SYNDIG1: variants seen among roughly 807,000 people sequenced by gnomAD.
SYNDIG1 encodes the protein synapse differentiation inducing 1, also known as synapse differentiation-inducing gene protein 1.
A neutral mutation model predicts 19.4 loss-of-function variants in SYNDIG1; 9 were observed. That is an observed-to-expected ratio of 0.46 (90% CI 0.28 to 0.81). SYNDIG1 has a LOEUF of 0.81. Among genes scored for constraint, SYNDIG1 ranks in the 30% least tolerant of loss-of-function variants. The pLI is 0.12. For missense variants in SYNDIG1, 311 were observed against 343.3 expected (o/e 0.91, Z 0.74); for synonymous variants, 141 against 145.9 (o/e 0.97, Z 0.24).
chr20:24,637,738 G>A (rs576491590), intron 3 of SYNDIG1, among the ~76,000 whole-genome samples: 77 of 152,334 alleles, frequency 5.1e-4, no homozygotes, highest in African/African-American at 1.8e-3. Context: ...AGTAAAAGGT[G>A]TACAGGTGTC....
rs575437586 is a variant in SYNDIG1, at chr20:24,636,170, G to A, written c.619-29176G>A. On this transcript the variant is annotated intron_variant, in intron 3 of 3. Coordinates refer to ENST00000376862, the MANE Select transcript of SYNDIG1 (RefSeq NM_024893.3). ...TATATGAGACTGGGCTGCAAATAGGGTACTTCAATTTTCATGAGAAAGCTT... is the reference window on the plus strand; with the variant it reads ...TATATGAGACTGGGCTGCAAATAGGATACTTCAATTTTCATGAGAAAGCTT... Among the ~76,000 whole-genome samples, 9 of 152,230 alleles carry A rather than the reference G, an allele frequency of 5.9e-5. No homozygotes were observed. The South Asian group carries it at 1.0e-3, about 18-fold the overall frequency.
intron 1 of SYNDIG1, among the ~76,000 whole-genome samples, chr20:24,484,651 C>A (rs1764757249): frequency 6.6e-6 from 1 of 152,108 alleles, no homozygotes; most frequent in Non-Finnish European, 1.5e-5. Flanking sequence ...CCTTTAGAAA[C>A]GATGATCTGA....
intron 2 of SYNDIG1, among the ~76,000 whole-genome samples, chr20:24,582,548 C>T (rs1286442640): frequency 6.6e-6 from 1 of 150,902 alleles, no homozygotes; most frequent in African/African-American, 2.4e-5. Flanking sequence ...CACTGCTTGT[C>T]CTTCCCACCG....
At position 24,665,749 on chromosome 20, in the gene SYNDIG1, G is replaced by T. The variant is rs562072572; in HGVS notation, c.*245G>T. On this transcript the variant is annotated 3_prime_UTR_variant, in exon 4 of 4. Coordinates refer to ENST00000376862, the MANE Select transcript of SYNDIG1 (RefSeq NM_024893.3). ...AGGAAAGCTCCAAAGATCCCAGCCC[G>T]CAAGGCTGTCTCTGGATGGATTCTG... The T allele has an allele frequency of 1.7e-5, 9 of 514,740 alleles. No homozygotes were observed. The highest frequency in any genetic ancestry group is 4.3e-5 in the Admixed American group (1 of 23,120). 31.9% of individuals were successfully genotyped at this position (514,740 alleles called of 1,614,324 possible).
In SYNDIG1 at chr20:24,665,708, C is replaced by A. The variant is rs1023758328; in HGVS notation, c.*204C>A. 1.5e-5 allele frequency: 9 copies of A among 613,396 alleles called. No homozygotes were observed. The highest frequency in any genetic ancestry group is 2.1e-5 in the Non-Finnish European group (8 of 386,962). 38.0% of individuals were successfully genotyped at this position (613,396 alleles called of 1,614,324 possible). A position where few individuals can be genotyped will look rare whatever the true frequency, so the allele number is the denominator to read the frequency against. ...GTGTAGAGCACCAGACAGACGGGCA[C>A]TGCTAATCCTTCCAAAGGAAAGCTC... On this transcript the variant is annotated 3_prime_UTR_variant, in exon 4 of 4. Transcript: ENST00000376862.
chr20:24,566,635 C>T (rs1438042690), intron 2 of SYNDIG1, among the ~76,000 whole-genome samples: 1 of 152,158 alleles, frequency 6.6e-6, no homozygotes, highest in African/African-American at 2.4e-5. Context: ...TTAAAGTGTA[C>T]TCCATGGAAT....
chr20:24,522,894 A>G (rs13041233), intron 1 of SYNDIG1, among the ~76,000 whole-genome samples: 34,565 of 152,098 alleles, frequency 0.23, 4,760 homozygotes, highest in East Asian at 0.68. Context: ...AGCAGCTCGC[A>G]TGTAAACTAA....
intron 3 of SYNDIG1, among the ~76,000 whole-genome samples, chr20:24,662,825 A>G (rs1237641069): frequency 6.6e-6 from 1 of 152,242 alleles, no homozygotes; most frequent in Non-Finnish European, 1.5e-5. Flanking sequence ...CACAAGAAAT[A>G]ACAATCTTGA....
At chr20:24,485,173 C>G (rs1338698439) in intron 1 of SYNDIG1, among the ~76,000 whole-genome samples, 1 of 152,186 alleles carries the variant, frequency 6.6e-6, no homozygotes, top group Non-Finnish European at 1.5e-5. Context: ...AACCTCTTTC[C>G]TTTATAAATT....
chr20:24,474,058 G>C (rs1039100787), intron 1 of SYNDIG1, among the ~76,000 whole-genome samples: 1 of 152,188 alleles, frequency 6.6e-6, no homozygotes, highest in African/African-American at 2.4e-5. Context: ...CCCAGGGTGT[G>C]TACATAGCCA....
rs1006664857 is a variant in SYNDIG1 at position 24,535,020 on chromosome 20, A to T, written c.-78-8000A>T. On this transcript the variant is annotated intron_variant, in intron 1 of 3. Coordinates refer to ENST00000376862, the MANE Select transcript of SYNDIG1 (RefSeq NM_024893.3). ...TGGTTTTCACTTGCATTGAGAGATG[A>T]TTGTCACTTGGTGTGGGGTGTGGTG... Among the ~76,000 whole-genome samples, 43 of 152,114 alleles carry T rather than the reference A, an allele frequency of 2.8e-4. 1 individual carries two copies. Among genetic ancestry groups the T allele is most frequent in the Non-Finnish European group, 1.0e-4 (7 of 68,038 alleles).
chr20:24,542,032 C>A (rs868251470), intron 1 of SYNDIG1, among the ~76,000 whole-genome samples: 27 of 152,046 alleles, frequency 1.8e-4, no homozygotes, highest in African/African-American at 6.0e-4. Context: ...AATTATGAAG[C>A]AAAGGCAATA....
intron 2 of SYNDIG1, among the ~76,000 whole-genome samples, chr20:24,553,140 C>G (rs2057740105): frequency 6.6e-6 from 1 of 151,676 alleles, no homozygotes; most frequent in South Asian, 2.1e-4. Context: ...GTCCTTCGCC[C>G]ACTTTTTGAT....
chr20:24,562,542 A>G (rs1005748773), intron 2 of SYNDIG1, among the ~76,000 whole-genome samples: 7 of 152,258 alleles, frequency 4.6e-5, no homozygotes, highest in African/African-American at 1.4e-4. Context: ...ATGTGCATCA[A>G]TAAAAGGCAT....
Position 24,580,259 on chromosome 20 carries a change from T to C in SYNDIG1, c.481-4597T>C, listed in dbSNP as rs1273230507. On this transcript the variant is annotated intron_variant, in intron 2 of 3. Coordinates refer to ENST00000376862, the MANE Select transcript of SYNDIG1 (RefSeq NM_024893.3). ...GGCTTGTTGGTATTTGTGTGGCCTC[T>C]CCTAGGCCAGCCTCGTCTCCTCTCC... Among the ~76,000 whole-genome samples, 5 of 152,220 alleles carry C rather than the reference T, an allele frequency of 3.3e-5. No homozygotes were observed. The East Asian group carries it at 9.6e-4, about 29-fold the overall frequency.
At chr20:24,587,192 C>T (rs2058431089) in intron 3 of SYNDIG1, among the ~76,000 whole-genome samples, 1 of 152,166 alleles carries the variant, frequency 6.6e-6, no homozygotes, top group African/African-American at 2.4e-5. Context: ...TAGGTGTTGC[C>T]TTCACTATGG....
chr20:24,634,752 G>C (rs2059298484), intron 3 of SYNDIG1, among the ~76,000 whole-genome samples: 2 of 152,066 alleles, frequency 1.3e-5, no homozygotes, highest in African/African-American at 4.8e-5. Context: ...ACAGTTTTTA[G>C]TCTGCTGTTC....
At chr20:24,585,045 GGGT>G in intron 3 of SYNDIG1, 52 bp downstream of exon 3, 2 of 1,369,410 alleles carry the variant, frequency 1.5e-6, no homozygotes, top group Non-Finnish European at 2.0e-6. Flanking sequence ...CACAGGGTGG[GGGT>G]GGGGGCGGCA....
intron 3 of SYNDIG1, among the ~76,000 whole-genome samples, chr20:24,635,532 G>C (rs2059306583): frequency 6.6e-6 from 1 of 152,174 alleles, no homozygotes; most frequent in African/African-American, 2.4e-5. Context: ...TCTCTGTGCT[G>C]GTTGGGTCTT....
Sources: gnomAD v4.1 joint callset for allele counts (sites outside exome capture counted in the v4.1 genomes callset) on GRCh38, gnomAD v4.1.1 for gene constraint, MANE v1.5 for transcripts, NCBI Gene and HGNC (gene_info 2026-07-23, HGNC 2026-07-21) for gene names.